The following VSTM2L variants were observed in gnomAD, a reference collection of about 807,000 sequenced individuals.
The protein encoded by VSTM2L is V-set and transmembrane domain containing 2 like.
In VSTM2L, 9 loss-of-function variants were observed where a neutral mutation model predicts 19.9. That is an observed-to-expected ratio of 0.45 (90% CI 0.27 to 0.79). The LOEUF (loss-of-function observed/expected upper bound fraction) is 0.79, where lower values mean the gene tolerates loss of function less well. Among genes scored for constraint, VSTM2L ranks in the 30% least tolerant of loss-of-function variants. The pLI is 0.15. For missense variants in VSTM2L, 286 were observed against 295.5 expected, an observed-to-expected ratio of 0.97 and a Z score of 0.24; for synonymous variants, 127 against 133.8, an observed-to-expected ratio of 0.95 and a Z score of 0.35.
intron 1 of VSTM2L, among the ~76,000 whole-genome samples, chr20:37,918,769 C>T (rs1261689554): frequency 6.6e-6 from 1 of 152,094 alleles, no homozygotes. Flanking sequence ...ACTGTGCAAA[C>T]CTCAGTCAGC....
intron 3 of VSTM2L, among the ~76,000 whole-genome samples, chr20:37,943,608 A>AAAG: frequency 6.6e-6 from 1 of 151,980 alleles, no homozygotes; most frequent in South Asian, 2.1e-4. Context: ...AAGACCCCAA[A>AAAG]ACCAGTATAG....
intron 1 of VSTM2L, among the ~76,000 whole-genome samples, chr20:37,929,681 G>A (rs1282193470): frequency 6.6e-6 from 1 of 152,196 alleles, no homozygotes. Flanking sequence ...ACTGTTGCAG[G>A]TGAGAGAGGA....
intron 2 of VSTM2L, among the ~76,000 whole-genome samples, chr20:37,933,297 A>C (rs1165174329): frequency 5.3e-5 from 8 of 152,200 alleles, no homozygotes; most frequent in Non-Finnish European, 1.0e-4. Flanking sequence ...AAATGCACAA[A>C]TGTGGTCAGT....
chr20:37,918,897 A>C (rs1203904794), intron 1 of VSTM2L, among the ~76,000 whole-genome samples: 2 of 152,184 alleles, frequency 1.3e-5, no homozygotes, highest in Admixed American at 1.3e-4. Context: ...TAGCTCCAAC[A>C]TGCAGTTTGC....
At position 37,903,565 on chromosome 20, in the gene VSTM2L, C is replaced by G. The variant is rs561450384; in HGVS notation, c.121+94C>G. 1.5e-5 allele frequency: 20 copies of G among 1,315,794 alleles called. No homozygotes were observed. In the Admixed American group the frequency reaches 1.7e-4, roughly 11 times the overall value. 81.5% of individuals were successfully genotyped at this position (1,315,794 alleles called of 1,614,324 possible). A position where few individuals can be genotyped will look rare whatever the true frequency, so the allele number is the denominator to read the frequency against. On this transcript the variant is annotated intron_variant, in intron 1 of 3. Coordinates refer to ENST00000373461, the MANE Select transcript of VSTM2L (RefSeq NM_080607.3). Reference sequence around the variant, plus strand: ...GGCCGCCCCGGGGCTCGAACCGGCGCCAGTCGTGGCGGGCATCCCGGGGCG... The same window carrying G: ...GGCCGCCCCGGGGCTCGAACCGGCGGCAGTCGTGGCGGGCATCCCGGGGCG...
chr20:37,903,951 G>A (rs1051919709), intron 1 of VSTM2L, among the ~76,000 whole-genome samples: 4 of 152,174 alleles, frequency 2.6e-5, no homozygotes, highest in East Asian at 1.9e-4. Context: ...GTGCGCGCGC[G>A]CGCACACACA....
At chr20:37,911,835 C>T (rs1199043382) in intron 1 of VSTM2L, among the ~76,000 whole-genome samples, 1 of 152,192 alleles carries the variant, frequency 6.6e-6, no homozygotes, top group Non-Finnish European at 1.5e-5. Flanking sequence ...AGAATTCTTC[C>T]ATCTGTATAC....
At chr20:37,908,287 A>G (rs570016452) in intron 1 of VSTM2L, among the ~76,000 whole-genome samples, 19 of 152,210 alleles carry the variant, frequency 1.2e-4, no homozygotes, top group Non-Finnish European at 2.5e-4. Flanking sequence ...GCCTGCGGCA[A>G]ACAAGTGGGC....
chr20:37,922,664 T>C (rs2072858188), intron 1 of VSTM2L, among the ~76,000 whole-genome samples: 1 of 151,862 alleles, frequency 6.6e-6, no homozygotes, highest in African/African-American at 2.4e-5. Context: ...CCACCAGAGA[T>C]TTGAAGGTTG....
intron 1 of VSTM2L, among the ~76,000 whole-genome samples, chr20:37,919,299 G>A (rs2072837264): frequency 6.6e-6 from 1 of 152,200 alleles, no homozygotes; most frequent in South Asian, 2.1e-4. Context: ...CCTGTCCCAA[G>A]GTGAAGCAAC....
intron 3 of VSTM2L, among the ~76,000 whole-genome samples, chr20:37,941,746 G>A (rs1183993435): frequency 6.6e-6 from 1 of 152,040 alleles, no homozygotes; most frequent in South Asian, 2.1e-4. Flanking sequence ...AAGGGGGTCA[G>A]TGGCTGGCAG....
At chr20:37,934,402 G>T (rs924981993) in intron 3 of VSTM2L, among the ~76,000 whole-genome samples, 6 of 152,180 alleles carry the variant, frequency 3.9e-5, no homozygotes, top group African/African-American at 1.4e-4. Context: ...CAAGGTTTGT[G>T]CATGGGGCGT....
chr20:37,903,622 AC>A, intron 1 of VSTM2L, 151 bp downstream of exon 1: 1 of 1,220,402 alleles, frequency 8.2e-7, no homozygotes, highest in Non-Finnish European at 1.1e-6. Flanking sequence ...CCGCCCTGGC[AC>A]CCTGGCCCTG....
intron 2 of VSTM2L, among the ~76,000 whole-genome samples, chr20:37,932,558 G>A (rs375164116): frequency 2.6e-5 from 4 of 152,096 alleles, no homozygotes; most frequent in Non-Finnish European, 5.9e-5. Context: ...TGGGACAACC[G>A]AAGCATATTC....
intron 1 of VSTM2L, among the ~76,000 whole-genome samples, chr20:37,911,926 G>C (rs1004835559): frequency 1.3e-5 from 2 of 152,282 alleles, no homozygotes; most frequent in Non-Finnish European, 1.5e-5. Flanking sequence ...GTATGTGTGC[G>C]GGTGAGGATG....
chr20:37,924,554 C>CAAAA (rs368447073), intron 1 of VSTM2L, among the ~76,000 whole-genome samples: 1 of 90,102 alleles, frequency 1.1e-5, no homozygotes, highest in African/African-American at 4.4e-5. Context: ...GACTCTGTCT[C>CAAAA]AAAAAAAAAA....
At chr20:37,916,036 C>T (rs1182373200) in intron 1 of VSTM2L, among the ~76,000 whole-genome samples, 1 of 152,222 alleles carries the variant, frequency 6.6e-6, no homozygotes, top group Non-Finnish European at 1.5e-5. Flanking sequence ...CAAATCCATC[C>T]CTGTGATTGA....
chr20:37,938,236 T>G (rs181796758), intron 3 of VSTM2L, among the ~76,000 whole-genome samples: 2 of 151,858 alleles, frequency 1.3e-5, no homozygotes, highest in East Asian at 3.9e-4. Context: ...AGGGGTGGAG[T>G]GTGCAGAGTG....
chr20:37,931,827 C>A (rs62201732), intron 2 of VSTM2L, 23 bp downstream of exon 2: 1 of 1,606,654 alleles, frequency 6.2e-7, no homozygotes, highest in Admixed American at 1.7e-5. Flanking sequence ...GGGAGATGCC[C>A]AAGCTGGGCT....
Sources: gnomAD v4.1 joint callset for allele counts (sites outside exome capture counted in the v4.1 genomes callset) on GRCh38, gnomAD v4.1.1 for gene constraint, MANE v1.5 for transcripts, NCBI Gene and HGNC (gene_info 2026-07-23, HGNC 2026-07-21) for gene names.